The following DNM3 variants were observed in gnomAD, a reference collection of about 807,000 sequenced individuals.
The protein encoded by DNM3 is dynamin-3.
DNM3 carries 47 observed loss-of-function variants against 101.6 expected under a neutral mutation model. That is an observed-to-expected ratio of 0.46 (90% CI 0.37 to 0.59). The LOEUF (loss-of-function observed/expected upper bound fraction) is 0.59, where lower values mean the gene tolerates loss of function less well. DNM3 is among the 20% of genes least tolerant of loss of function. The pLI is 0.00. For missense variants in DNM3, 849 were observed against 1,085.7 expected, an observed-to-expected ratio of 0.78 and a Z score of 3.06; for synonymous variants, 385 against 387.9, an observed-to-expected ratio of 0.99 and a Z score of 0.09.
At position 172,340,259 on chromosome 1, in the gene DNM3, A is replaced by G. The variant is rs534998507; in HGVS notation, c.1893+16919A>G. On this transcript the variant is annotated intron_variant, in intron 17 of 20. Transcript: ENST00000627582. The stretch of plus-strand genomic sequence containing the variant: ...GATTCCTTCTGGGAATTTAGGATGT[A>G]ATCAGAATCAGATGTAGGTCAACAT... 2.6e-5 allele frequency among the ~76,000 whole-genome samples: 4 copies of G among 152,172 alleles called. 1 individual carries two copies. Among genetic ancestry groups the G allele is most frequent in the Non-Finnish European group, 5.9e-5 (4 of 68,016 alleles).
chr1:171,880,140 A>T (rs1394423713), intron 1 of DNM3, among the ~76,000 whole-genome samples: 1 of 152,242 alleles, frequency 6.6e-6, no homozygotes, highest in Non-Finnish European at 1.5e-5. Context: ...TGTATCAGCC[A>T]CAGATGCTTT....
At chr1:172,278,328 G>A (rs1427266488) in intron 15 of DNM3, among the ~76,000 whole-genome samples, 1 of 151,932 alleles carries the variant, frequency 6.6e-6, no homozygotes, top group Non-Finnish European at 1.5e-5. Flanking sequence ...TAATGCAGGG[G>A]TGCCCAATCT....
intron 13 of DNM3, among the ~76,000 whole-genome samples, chr1:172,100,937 C>T (rs1298982968): frequency 6.6e-6 from 1 of 152,224 alleles, no homozygotes; most frequent in East Asian, 1.9e-4. Context: ...TTCAGAAAAC[C>T]TTCTAAGGTT....
At chr1:172,390,958 G>A (rs1282465839) in intron 20 of DNM3, among the ~76,000 whole-genome samples, 1 of 152,168 alleles carries the variant, frequency 6.6e-6, no homozygotes, top group African/African-American at 2.4e-5. Flanking sequence ...TAGCTTGCCA[G>A]TACCCTTCAG....
At chr1:172,133,154 T>A (rs1006729768) in intron 14 of DNM3, 78 of 1,350,262 alleles carry the variant, frequency 5.8e-5, no homozygotes, top group Non-Finnish European at 7.2e-5. Context: ...TAGCTACTGC[T>A]GTTGGAGTGT....
Position 172,078,643 on chromosome 1 carries a change from G to A in DNM3, c.1423-3189G>A, listed in dbSNP as rs181611622. 1.8e-3 allele frequency among the ~76,000 whole-genome samples: 274 copies of A among 152,304 alleles called. 3 individuals are homozygous for A. Among genetic ancestry groups the A allele is most frequent in the Admixed American group, 7.6e-3 (117 of 15,306 alleles). On this transcript the variant is annotated intron_variant, in intron 11 of 20. Coordinates refer to ENST00000627582, the MANE Select transcript of DNM3 (RefSeq NM_015569.5). Reference sequence around the variant, plus strand: ...TTACAATTCAGGTTAATATTGTTATGTGTGAATTTGATCCTGTCATTATGA... The same window carrying A: ...TTACAATTCAGGTTAATATTGTTATATGTGAATTTGATCCTGTCATTATGA...
chr1:171,910,859 A>G (rs2039234537), intron 1 of DNM3, among the ~76,000 whole-genome samples: 1 of 152,168 alleles, frequency 6.6e-6, no homozygotes, highest in Non-Finnish European at 1.5e-5. Flanking sequence ...TTTGGAAAAA[A>G]CAGGAGGGGC....
chr1:172,102,573 A>G (rs933897227), intron 13 of DNM3, among the ~76,000 whole-genome samples: 2 of 152,266 alleles, frequency 1.3e-5, no homozygotes, highest in Non-Finnish European at 2.9e-5. Context: ...TGAAGAGATT[A>G]TCTTATCTAC....
At position 172,033,164 on chromosome 1, in the gene DNM3, G is replaced by A. The variant is rs760629252; in HGVS notation, c.748G>A (p.Ala250Thr). Residue 250 changes from alanine to threonine, a missense_variant, in exon 6 of 21, where the codon GCA (alanine) becomes ACA (threonine). By Grantham distance (58) the Ala-to-Thr change is moderately conservative (BLOSUM62 0). This residue lies in a region of DNM3 where 388 missense variants were observed against 483.0 expected (regional missense o/e 0.80). Coordinates refer to ENST00000627582, the MANE Select transcript of DNM3 (RefSeq NM_015569.5). ...KDIDGKKDIK[A>T]AMLAERKFFL... ...CATAGATGGGAAGAAGGACATAAAG[G>A]CAGCCATGCTGGCAGAGAGGAAGTT... 1.9e-6 allele frequency: 3 copies of A among 1,612,200 alleles called. No homozygotes were observed. Among genetic ancestry groups the A allele is most frequent in the Non-Finnish European group, 8.5e-7 (1 of 1,179,166 alleles).
At chr1:172,215,766 A>G (rs146310666) in intron 14 of DNM3, among the ~76,000 whole-genome samples, 54 of 152,202 alleles carry the variant, frequency 3.5e-4, no homozygotes, top group Middle Eastern at 3.4e-3. Flanking sequence ...GTGACTGCTT[A>G]CAAGGCAGAG....
chr1:171,963,780 A>ATG (rs2043378809), intron 2 of DNM3, among the ~76,000 whole-genome samples: 1 of 150,510 alleles, frequency 6.6e-6, no homozygotes, highest in Non-Finnish European at 1.5e-5. Flanking sequence ...ATATATATAT[A>ATG]TAAAATCACA....
At chr1:172,172,618 T>TA (rs1216979989) in intron 14 of DNM3, among the ~76,000 whole-genome samples, 3 of 151,730 alleles carry the variant, frequency 2.0e-5, no homozygotes, top group Non-Finnish European at 3.0e-5. Context: ...CTACTATACT[T>TA]ACTACTGTAT....
intron 14 of DNM3, among the ~76,000 whole-genome samples, chr1:172,168,952 A>G (rs150841987): frequency 1.1e-3 from 161 of 152,096 alleles, no homozygotes; most frequent in African/African-American, 3.8e-3. Flanking sequence ...CTTGGCATAC[A>G]TTTTAAGACG....
intron 4 of DNM3, among the ~76,000 whole-genome samples, chr1:172,009,499 T>G (rs577260163): frequency 6.6e-6 from 1 of 151,768 alleles, no homozygotes; most frequent in South Asian, 2.1e-4. Context: ...TTAATTAAAT[T>G]AAAATTTAAT....
chr1:171,985,260 T>C (rs891596200), intron 2 of DNM3, among the ~76,000 whole-genome samples: 3 of 152,270 alleles, frequency 2.0e-5, no homozygotes, highest in African/African-American at 7.2e-5. Context: ...TTCTAAATTA[T>C]TTCTAATTTT....
chr1:172,009,937 T>C (rs1287370709), intron 4 of DNM3, among the ~76,000 whole-genome samples: 1 of 151,884 alleles, frequency 6.6e-6, no homozygotes. Context: ...ACAGGAATGT[T>C]ATATCCTTAA....
intron 14 of DNM3, among the ~76,000 whole-genome samples, chr1:172,191,585 G>T (rs1272675454): frequency 2.1e-4 from 32 of 152,244 alleles, no homozygotes; most frequent in African/African-American, 7.5e-4. Context: ...GGATGGCATT[G>T]AATCTATAAA....
chr1:171,952,595 C>T (rs541250002), intron 2 of DNM3, among the ~76,000 whole-genome samples: 5 of 152,134 alleles, frequency 3.3e-5, no homozygotes, highest in South Asian at 2.1e-4. Flanking sequence ...CCATTTCAAT[C>T]GGTTGGGGAG....
rs2048732969 is a variant in DNM3, at chr1:172,033,112, G to T, written c.696G>T (p.Val232=). 6.2e-7 allele frequency: 1 copy of T among 1,611,750 alleles called. No individual in the cohort carries two copies. The highest frequency in any genetic ancestry group is 8.5e-7 in the Non-Finnish European group (1 of 1,178,952). Residue 232 remains valine, a synonymous_variant, in exon 6 of 21, where the codon GTG becomes GTT. Transcript: ENST00000627582. The part of the protein sequence containing the change: ...NKLLPLRRGY[V]GVVNRSQKDI... Reference sequence around the variant, plus strand: ...ATTTGTGTTTTGTTTCAGGTTACGTGGGGGTGGTAAACAGAAGCCAGAAGG... The same window carrying T: ...ATTTGTGTTTTGTTTCAGGTTACGTTGGGGTGGTAAACAGAAGCCAGAAGG...
Sources: allele counts gnomAD v4.1 joint callset (sites outside exome capture counted in the v4.1 genomes callset), GRCh38; gene constraint gnomAD v4.1.1; regional missense constraint gnomAD v4.1.1; transcripts MANE v1.5; gene names NCBI Gene and HGNC (gene_info 2026-07-23, HGNC 2026-07-21).